The following TAS2R1 variants were observed in gnomAD, a reference collection of about 807,000 sequenced individuals.
The protein encoded by TAS2R1 is taste 2 receptor member 1.
For missense variants in TAS2R1, 370 were observed against 353.4 expected, an observed-to-expected ratio of 1.05 and a Z score of -0.38; for synonymous variants, 141 against 134.2, an observed-to-expected ratio of 1.05 and a Z score of -0.35.
At chr5:9,901,004 C>T in the TAS2R1 span, among the ~76,000 whole-genome samples, 1 of 152,124 alleles carries the variant, frequency 6.6e-6, no homozygotes, top group Non-Finnish European at 1.5e-5. Flanking sequence ...TAGTCGTCCT[C>T]GGAGGACACA....
intron 2 of TAS2R1, among the ~76,000 whole-genome samples, chr5:9,638,113 G>A (rs779501839): frequency 1.3e-5 from 2 of 152,318 alleles, no homozygotes; most frequent in Middle Eastern, 3.4e-3. Flanking sequence ...CCCATGGGGT[G>A]ATCCCTCAAT....
the TAS2R1 span, chr5:9,760,901 C>G: frequency 2.8e-4 from 42 of 152,156 alleles, no homozygotes; most frequent in African/African-American, 9.2e-4. Context: ...AAAGAAAACC[C>G]TCTTCGTCCA....
chr5:9,631,134 G>A (rs936328997), upstream of TAS2R1, among the ~76,000 whole-genome samples: 42 of 152,190 alleles, frequency 2.8e-4, no homozygotes, highest in Admixed American at 1.7e-3. Context: ...AAGAGTGGCA[G>A]AACCACTATG....
chr5:9,887,728 G>A, the TAS2R1 span, among the ~76,000 whole-genome samples: 1 of 152,190 alleles, frequency 6.6e-6, no homozygotes, highest in South Asian at 2.1e-4. Flanking sequence ...TCCTCGAGGA[G>A]CTCACAGGGA....
chr5:9,695,575 G>A (rs567788825), intron 1 of TAS2R1, among the ~76,000 whole-genome samples: 9 of 152,234 alleles, frequency 5.9e-5, no homozygotes, highest in East Asian at 3.9e-4. Context: ...TTTAAAAAGC[G>A]GCTTGGGTGC....
the TAS2R1 span, among the ~76,000 whole-genome samples, chr5:9,730,758 C>A: frequency 6.6e-6 from 1 of 152,104 alleles, no homozygotes; most frequent in Non-Finnish European, 1.5e-5. Context: ...TCCCATAATT[C>A]CCACGTGTTG....
At chr5:9,663,488 T>C (rs948332871) in intron 1 of TAS2R1, among the ~76,000 whole-genome samples, 3 of 152,198 alleles carry the variant, frequency 2.0e-5, no homozygotes, top group Non-Finnish European at 4.4e-5. Context: ...AGAAGAAGTT[T>C]TTCACTTCAT....
intron 1 of TAS2R1, among the ~76,000 whole-genome samples, chr5:9,681,696 A>T (rs866553582): frequency 6.6e-6 from 1 of 152,050 alleles, no homozygotes; most frequent in African/African-American, 2.4e-5. Flanking sequence ...CCCTACTATA[A>T]TGGATTGATT....
intron 1 of TAS2R1, among the ~76,000 whole-genome samples, chr5:9,693,489 A>ACTCCAGC (rs1212803224): frequency 3.3e-4 from 44 of 135,378 alleles, no homozygotes; most frequent in South Asian, 2.6e-3. Flanking sequence ...ACACCATTAC[A>ACTCCAGC]CTCCAGCCTG....
At chr5:9,655,972 G>A (rs1277257629) in intron 2 of TAS2R1, among the ~76,000 whole-genome samples, 1 of 151,650 alleles carries the variant, frequency 6.6e-6, no homozygotes, top group Admixed American at 6.6e-5. Context: ...CCACTTCTCA[G>A]GTAGCTTCCC....
the TAS2R1 span, among the ~76,000 whole-genome samples, chr5:9,739,033 G>A: frequency 6.6e-6 from 1 of 152,074 alleles, no homozygotes; most frequent in East Asian, 1.9e-4. Flanking sequence ...ATTTTCCCTA[G>A]TACCTGCCTA....
chr5:9,653,659 T>G (rs1000754581), intron 2 of TAS2R1, among the ~76,000 whole-genome samples: 10 of 152,164 alleles, frequency 6.6e-5, no homozygotes, highest in African/African-American at 2.4e-4. Flanking sequence ...TTCCAATGTC[T>G]CTATATACTT....
At chr5:9,873,750 T>A in the TAS2R1 span, among the ~76,000 whole-genome samples, 1 of 151,362 alleles carries the variant, frequency 6.6e-6, no homozygotes, top group Non-Finnish European at 1.5e-5. Context: ...GCACTTGTAG[T>A]CCCGGCTACT....
chr5:9,845,542 T>TGAAAAA, the TAS2R1 span, among the ~76,000 whole-genome samples: 75 of 152,282 alleles, frequency 4.9e-4, no homozygotes, highest in East Asian at 0.011. Flanking sequence ...TTGTCAAGTG[T>TGAAAAA]GAAAAAGATT....
At chr5:9,841,654 T>C in the TAS2R1 span, among the ~76,000 whole-genome samples, 1 of 151,798 alleles carries the variant, frequency 6.6e-6, no homozygotes, top group South Asian at 2.1e-4. Context: ...CTGGGATCCT[T>C]AGCATCCCTT....
the TAS2R1 span, among the ~76,000 whole-genome samples, chr5:9,734,112 T>C: frequency 6.6e-6 from 1 of 152,104 alleles, no homozygotes; most frequent in Non-Finnish European, 1.5e-5. Flanking sequence ...GTAAAAGACA[T>C]GTGAGAGAGC....
the TAS2R1 span, among the ~76,000 whole-genome samples, chr5:9,847,946 A>C: frequency 1.3e-5 from 2 of 152,102 alleles, no homozygotes; most frequent in East Asian, 3.9e-4. Flanking sequence ...CAGACACGCA[A>C]ATTCCTGGGC....
At chr5:9,640,868 A>T (rs955469373) in intron 2 of TAS2R1, among the ~76,000 whole-genome samples, 1 of 152,220 alleles carries the variant, frequency 6.6e-6, no homozygotes, top group African/African-American at 2.4e-5. Context: ...AAAAATAAAT[A>T]TTAGCAAGCC....
At chr5:9,741,489 T>C in the TAS2R1 span, among the ~76,000 whole-genome samples, 10 of 152,204 alleles carry the variant, frequency 6.6e-5, no homozygotes, top group African/African-American at 2.2e-4. Flanking sequence ...ATGTTTCTTA[T>C]GTCTAATGTT....
Sources: gnomAD v4.1 joint callset for allele counts (sites outside exome capture counted in the v4.1 genomes callset) on GRCh38, gnomAD v4.1.1 for gene constraint, MANE v1.5 for transcripts, NCBI Gene and HGNC (gene_info 2026-07-23, HGNC 2026-07-21) for gene names.